NR5A2: variants seen among roughly 807,000 people sequenced by gnomAD.
NR5A2 encodes the protein CYP7A promoter-binding factor.
Under a neutral mutation model 62.7 loss-of-function variants are expected in NR5A2, and 26 were observed. That is an observed-to-expected ratio of 0.41 (90% CI 0.30 to 0.58). The LOEUF is 0.58. NR5A2 is among the 20% of genes least tolerant of loss of function. The pLI is 0.22. For missense variants in NR5A2, 541 were observed against 669.1 expected (o/e 0.81, Z 2.11); for synonymous variants, 246 against 241.7 (o/e 1.02, Z -0.16).
At chr1:200,155,630 G>C (rs968676753) in intron 7 of NR5A2, among the ~76,000 whole-genome samples, 1 of 152,028 alleles carries the variant, frequency 6.6e-6, no homozygotes, top group African/African-American at 2.4e-5. Context: ...ATTTCCTTCT[G>C]TTAATGGAGG....
At chr1:200,128,299 C>T (rs1162017987) in intron 7 of NR5A2, among the ~76,000 whole-genome samples, 1 of 152,158 alleles carries the variant, frequency 6.6e-6, no homozygotes, top group Non-Finnish European at 1.5e-5. Flanking sequence ...CAGTTCAAAC[C>T]TGTGTTGTGC....
intron 5 of NR5A2, among the ~76,000 whole-genome samples, chr1:200,078,213 A>C (rs1207917414): frequency 1.3e-5 from 2 of 152,226 alleles, no homozygotes; most frequent in Non-Finnish European, 2.9e-5. Flanking sequence ...AGGCAAAAAC[A>C]CATGAGTTGG....
At chr1:200,067,840 T>C (rs1663564531) in intron 5 of NR5A2, among the ~76,000 whole-genome samples, 1 of 152,192 alleles carries the variant, frequency 6.6e-6, no homozygotes, top group Non-Finnish European at 1.5e-5. Flanking sequence ...GCAAATTCAG[T>C]TGGCTACGTA....
At chr1:200,099,045 C>T (rs1665242077) in intron 5 of NR5A2, among the ~76,000 whole-genome samples, 1 of 152,216 alleles carries the variant, frequency 6.6e-6, no homozygotes, top group African/African-American at 2.4e-5. Context: ...AAGGCATAGA[C>T]TGACTGTACA....
At chr1:200,091,917 T>C (rs1664835885) in intron 5 of NR5A2, among the ~76,000 whole-genome samples, 1 of 152,198 alleles carries the variant, frequency 6.6e-6, no homozygotes, top group Non-Finnish European at 1.5e-5. Flanking sequence ...TAGAGCTTTT[T>C]ATTCAAAGTG....
At chr1:200,163,273 A>G (rs1274860017) in intron 7 of NR5A2, among the ~76,000 whole-genome samples, 1 of 151,204 alleles carries the variant, frequency 6.6e-6, no homozygotes, top group Non-Finnish European at 1.5e-5. Context: ...GGCAAAAAAA[A>G]AAAAAAAGAA....
At chr1:200,049,960 G>A (rs1351850926) in intron 5 of NR5A2, among the ~76,000 whole-genome samples, 1 of 152,226 alleles carries the variant, frequency 6.6e-6, no homozygotes, top group Non-Finnish European at 1.5e-5. Flanking sequence ...AAGCAAAAAA[G>A]TTACCTGAAC....
intron 7 of NR5A2, among the ~76,000 whole-genome samples, chr1:200,142,188 CTTTTTTTT>C (rs535827114): frequency 7.2e-5 from 4 of 55,418 alleles, no homozygotes; most frequent in African/African-American, 1.3e-4. Context: ...TTAAAGACTT[CTTTTTTTT>C]TTTTTTTTTT....
Position 200,048,321 on chromosome 1 carries a change from T to G in NR5A2, c.613T>G (p.Ser205Ala). ...GTCTCAGGTGATCCAAGCTATGCCC[T>G]CTGACCTGACCATTTCCTCTGCAAT... is the stretch of plus-strand genomic sequence containing the variant. ...AMSQVIQAMP[S>A]DLTISSAIQN... is the part of the protein sequence containing the mutation. The change falls in exon 5 of 8, where the codon TCT (serine) becomes GCT (alanine). Residue 205 changes from serine (S) to alanine (A), a missense_variant. By Grantham distance (99) the Ser-to-Ala change is moderately conservative. This residue lies in a region of NR5A2 where 379 missense variants were observed against 442.0 expected (regional missense o/e 0.86). Coordinates refer to ENST00000367362, the MANE Select transcript of NR5A2 (RefSeq NM_205860.3). The surrounding 1 kb of genome is among the most constrained non-coding windows in gnomAD (Gnocchi z 4.8). 6.2e-7 allele frequency: 1 copy of G among 1,614,162 alleles called. No homozygotes were observed. The highest frequency in any genetic ancestry group is 8.5e-7 in the Non-Finnish European group (1 of 1,180,042).
intron 7 of NR5A2, among the ~76,000 whole-genome samples, chr1:200,129,653 G>C (rs1268057928): frequency 6.6e-6 from 1 of 152,230 alleles, no homozygotes; most frequent in Non-Finnish European, 1.5e-5. Context: ...GTGCAGTGGA[G>C]GGTGTGAACT....
intron 5 of NR5A2, among the ~76,000 whole-genome samples, chr1:200,105,408 G>A (rs1176445020): frequency 6.6e-6 from 1 of 152,092 alleles, no homozygotes. Flanking sequence ...GAAATGGAAT[G>A]GTATAAACTA....
At chr1:200,148,861 C>T (rs1234083563) in intron 7 of NR5A2, among the ~76,000 whole-genome samples, 1 of 149,890 alleles carries the variant, frequency 6.7e-6, no homozygotes, top group Non-Finnish European at 1.5e-5. Context: ...TTTTCTTCTT[C>T]ATCTTTTTGT....
intron 7 of NR5A2, among the ~76,000 whole-genome samples, chr1:200,162,225 A>C (rs2102381252): frequency 6.6e-6 from 1 of 152,378 alleles, no homozygotes; most frequent in South Asian, 2.1e-4. Flanking sequence ...TTACCATGTA[A>C]TACCCAATGC....
chr1:200,090,373 T>C (rs1664759939), intron 5 of NR5A2, among the ~76,000 whole-genome samples: 1 of 152,200 alleles, frequency 6.6e-6, no homozygotes, highest in African/African-American at 2.4e-5. Context: ...AAAACAGAGA[T>C]ATGGTTACAA....
intron 3 of NR5A2, 44 bp downstream of exon 3, chr1:200,043,936 C>A: frequency 1.6e-6 from 2 of 1,242,872 alleles, no homozygotes; most frequent in South Asian, 1.3e-5. Flanking sequence ...TGTCCAACAC[C>A]AAAATAAACC....
At chr1:200,081,896 T>TA (rs551227478) in intron 5 of NR5A2, among the ~76,000 whole-genome samples, 3,665 of 148,086 alleles carry the variant, frequency 0.025, 57 homozygotes, top group East Asian at 0.05. Context: ...TTACCCATAT[T>TA]AAAAAAAAAA....
chr1:200,155,450 A>G (rs1171673166), intron 7 of NR5A2, among the ~76,000 whole-genome samples: 3 of 152,236 alleles, frequency 2.0e-5, no homozygotes, highest in African/African-American at 7.2e-5. Context: ...ATTGGTTTTT[A>G]GAGATGTGTC....
At chr1:200,064,148 C>CAAAAAAA (rs577974954) in intron 5 of NR5A2, among the ~76,000 whole-genome samples, 1 of 101,112 alleles carries the variant, frequency 9.9e-6, no homozygotes, top group African/African-American at 3.7e-5. Context: ...GACTCCATCT[C>CAAAAAAA]AAAAAAAAAA....
intron 7 of NR5A2, among the ~76,000 whole-genome samples, chr1:200,144,301 A>C (rs1480711955): frequency 6.6e-6 from 1 of 151,350 alleles, no homozygotes; most frequent in Non-Finnish European, 1.5e-5. Context: ...GATCTCCTAA[A>C]GCCTTGTGCC....
Sources: allele counts gnomAD v4.1 joint callset (sites outside exome capture counted in the v4.1 genomes callset), GRCh38; gene constraint gnomAD v4.1.1; regional missense constraint gnomAD v4.1.1; non-coding constraint Gnocchi (gnomAD v3.1); transcripts MANE v1.5; gene names NCBI Gene and HGNC (gene_info 2026-07-23, HGNC 2026-07-21).